The following MCM9 variants were observed in gnomAD, a reference collection of about 807,000 sequenced individuals.
MCM9 encodes DNA helicase MCM9.
A neutral mutation model predicts 72.8 loss-of-function variants in MCM9; 55 were observed. The ratio of observed to expected loss-of-function variants is 0.76; its 90% CI spans 0.61 to 0.95. The LOEUF is 0.95. Among genes scored for constraint, MCM9 ranks in the 40% least tolerant of loss-of-function variants. The pLI is 0.00. For missense variants in MCM9, 1,279 were observed against 1,377.0 expected (o/e 0.93, Z 1.13); for synonymous variants, 480 against 503.4 (o/e 0.95, Z 0.62).
chr6:118,844,899 C>T (rs893428795), intron 9 of MCM9, among the ~76,000 whole-genome samples: 1 of 151,954 alleles, frequency 6.6e-6, no homozygotes, highest in Admixed American at 6.5e-5. Context: ...GTCTTCATTA[C>T]AGTTCTGGAC....
Position 118,922,010 on chromosome 6 carries a change from T to A in MCM9, c.698A>T (p.Lys233Ile). Residue 233 changes from lysine (K) to isoleucine (I), a missense_variant, in exon 5 of 14, where the codon AAA becomes ATA. Transcript: ENST00000619706. ...AAAAATTCCCCTCTTCTTACCAGATTTGCAACTATCCACTAAGTCATCTTC... is the reference window on the plus strand; with the variant it reads ...AAAAATTCCCCTCTTCTTACCAGATATGCAACTATCCACTAAGTCATCTTC... Reference protein sequence around the residue: ...ILEDDLVDSCKSGDDLTIYGI... With the variant: ...ILEDDLVDSCISGDDLTIYGI... The A allele has an allele frequency of 6.2e-7, 1 of 1,611,810 alleles. No individual in the cohort carries two copies. The highest frequency in any genetic ancestry group is 8.5e-7 in the Non-Finnish European group (1 of 1,178,912).
At chr6:118,820,185 G>A (rs1181759871) in intron 13 of MCM9, among the ~76,000 whole-genome samples, 1 of 151,882 alleles carries the variant, frequency 6.6e-6, no homozygotes, top group Admixed American at 6.6e-5. Flanking sequence ...GTTTGTTCTT[G>A]CTTCTCTAGT....
At chr6:118,898,417 A>G (rs914639480) in intron 8 of MCM9, among the ~76,000 whole-genome samples, 1 of 150,006 alleles carries the variant, frequency 6.7e-6, no homozygotes, top group African/African-American at 2.5e-5. Flanking sequence ...GAAAACCTTT[A>G]TGTAATAATT....
intron 3 of MCM9, among the ~76,000 whole-genome samples, chr6:118,929,643 A>G (rs749548123): frequency 6.6e-5 from 10 of 152,216 alleles, no homozygotes; most frequent in Non-Finnish European, 8.8e-5. Context: ...AACATTAACT[A>G]AAGTCCCCCT....
At chr6:118,877,150 C>T (rs142333935) in intron 8 of MCM9, among the ~76,000 whole-genome samples, 1,577 of 152,288 alleles carry the variant, frequency 0.01, 29 homozygotes, top group African/African-American at 0.036. Flanking sequence ...AGGGTGAGCA[C>T]CCAACCTACA....
At chr6:118,819,520 G>C (rs757305667) in intron 13 of MCM9, among the ~76,000 whole-genome samples, 1 of 152,162 alleles carries the variant, frequency 6.6e-6, no homozygotes, top group Non-Finnish European at 1.5e-5. Flanking sequence ...TATTCAGTTT[G>C]CCAGTATTTT....
In MCM9 at chr6:118,880,051, C is replaced by CAA. The variant is rs372563271; in HGVS notation, c.1151-23508_1151-23507dup. ...CACAAAACAAACAAACAAACAACAA[C>CAA]AAAAAAAAAACACCAAAGAAAAGAA... On this transcript the variant is annotated intron_variant, in intron 8 of 13. Coordinates refer to ENST00000619706, the MANE Select transcript of MCM9 (RefSeq NM_017696.3). Among the ~76,000 whole-genome samples the CAA allele has an allele frequency of 1.9e-4, 26 of 135,114 alleles. No individual in the cohort carries two copies. In the South Asian group the frequency reaches 2.4e-3, roughly 12 times the overall value. 88.6% of individuals were successfully genotyped at this position (135,114 alleles called of 152,430 possible).
chr6:118,873,626 C>G (rs577060384), intron 8 of MCM9, among the ~76,000 whole-genome samples: 12 of 152,264 alleles, frequency 7.9e-5, no homozygotes, highest in African/African-American at 2.6e-4. Context: ...GATGTTGAAT[C>G]AGTAATTAAT....
intron 13 of MCM9, among the ~76,000 whole-genome samples, chr6:118,822,957 T>C (rs1773912886): frequency 6.6e-6 from 1 of 152,038 alleles, no homozygotes; most frequent in Non-Finnish European, 1.5e-5. Flanking sequence ...GGGACACTCC[T>C]CCCCCTACAA....
Position 118,815,104 on chromosome 6 carries a change from T to A in MCM9, c.3152A>T (p.His1051Leu), listed in dbSNP as rs901484034. The change falls in exon 14 of 14, where the codon CAT becomes CTT. Residue 1051 changes from histidine (H) to leucine (L), a missense_variant. His to Leu is a moderately conservative substitution (Grantham distance 99). Coordinates refer to ENST00000619706, the MANE Select transcript of MCM9 (RefSeq NM_017696.3). ...VSGSNKSGKV[H>L]ACTLARLANF... is the part of the protein sequence containing the mutation. ...TGCCAATCTGGCTAATGTGCAGGCA[T>A]GAACCTTGCCGCTTTTATTACTGCC... is the stretch of plus-strand genomic sequence containing the variant. 1.3e-6 allele frequency: 2 copies of A among 1,550,716 alleles called. No individual in the cohort carries two copies. The highest frequency in any genetic ancestry group is 2.7e-5 in the African/African-American group (2 of 73,018).
At position 118,814,108 on chromosome 6, in the gene MCM9, GC is replaced by G. The variant is rs1261140424; in HGVS notation, c.*715del. 2 of 151,904 alleles carry G rather than the reference GC, an allele frequency of 1.3e-5. No individual in the cohort carries two copies. Among genetic ancestry groups the G allele is most frequent in the Non-Finnish European group, 2.9e-5 (2 of 68,010 alleles). The allele number at this position is 151,904 out of a possible 1,614,324, so 9.4% of individuals were successfully genotyped here. ...CAGTATTTTACTTGGTTGAAGGTAGGCCCCCAAGAGAAAAAAGAATCTGAAG... is the reference window on the plus strand; with the variant it reads ...CAGTATTTTACTTGGTTGAAGGTAGGCCCCAAGAGAAAAAAGAATCTGAAG... On this transcript the variant is annotated 3_prime_UTR_variant, in exon 14 of 14. Coordinates refer to ENST00000619706, the MANE Select transcript of MCM9 (RefSeq NM_017696.3).
At chr6:118,829,303 A>T (rs1226548963) in intron 9 of MCM9, 53 bp from the exon 10 acceptor site, 40 of 1,471,720 alleles carry the variant, frequency 2.7e-5, no homozygotes, top group Non-Finnish European at 3.6e-5. Context: ...ATAAAATGCA[A>T]GATTACAGCT....
intron 9 of MCM9, among the ~76,000 whole-genome samples, chr6:118,854,382 A>T (rs182763884): frequency 1.3e-5 from 2 of 152,158 alleles, no homozygotes; most frequent in Admixed American, 1.3e-4. Flanking sequence ...GACAGAGGTC[A>T]CTCTGTCGCC....
At chr6:118,827,792 C>T (rs530826152) in intron 11 of MCM9, 135 bp downstream of exon 11, 90 of 763,752 alleles carry the variant, frequency 1.2e-4, no homozygotes, top group African/African-American at 7.4e-4. Context: ...TGGCTCAGAG[C>T]CTTTATTTTT....
chr6:118,880,041 C>A (rs1454078281), intron 8 of MCM9, among the ~76,000 whole-genome samples: 1 of 145,400 alleles, frequency 6.9e-6, no homozygotes. Context: ...AACAAACAAA[C>A]AAACAACAAC....
chr6:118,926,585 C>A (rs1307214938), intron 3 of MCM9, among the ~76,000 whole-genome samples: 9 of 152,198 alleles, frequency 5.9e-5, no homozygotes, highest in African/African-American at 1.9e-4. Context: ...TTTCAAGATT[C>A]ATTCCTGTTG....
At chr6:118,830,076 G>A (rs979619030) in intron 9 of MCM9, among the ~76,000 whole-genome samples, 1 of 152,138 alleles carries the variant, frequency 6.6e-6, no homozygotes, top group Non-Finnish European at 1.5e-5. Flanking sequence ...TAAATGGAGC[G>A]TGGCAGGATA....
intron 9 of MCM9, among the ~76,000 whole-genome samples, chr6:118,838,656 C>T (rs549685775): frequency 1.2e-4 from 19 of 152,220 alleles, no homozygotes; most frequent in South Asian, 6.2e-4. Flanking sequence ...CTCCTGACCT[C>T]GTGATCCGCC....
Position 118,826,461 on chromosome 6 carries a change from G to GT in MCM9, c.1816-170dup, listed in dbSNP as rs1475847094. Reference sequence around the variant, plus strand: ...CAACTTTCTATAGTTCACTCCCCCAGTTCTTGGTGGCAATCATTGCTCTAG... The same window carrying GT: ...CAACTTTCTATAGTTCACTCCCCCAGTTTCTTGGTGGCAATCATTGCTCTAG... On this transcript the variant is annotated intron_variant, in intron 12 of 13. Transcript: ENST00000619706. 6.6e-5 allele frequency among the ~76,000 whole-genome samples: 10 copies of GT among 152,096 alleles called. No individual in the cohort carries two copies. The East Asian group carries it at 1.9e-3, about 29-fold the overall frequency.
Sources: gnomAD v4.1 joint callset for allele counts (sites outside exome capture counted in the v4.1 genomes callset) on GRCh38, gnomAD v4.1.1 for gene constraint, MANE v1.5 for transcripts, NCBI Gene and HGNC (gene_info 2026-07-23, HGNC 2026-07-21) for gene names.